Variants in PCNX1 observed in about 807,000 individuals in gnomAD.
The protein encoded by PCNX1 is pecanex 1.
Under a neutral mutation model 242.2 loss-of-function variants are expected in PCNX1, and 78 were observed. The ratio of observed to expected loss-of-function variants is 0.32; its 90% CI spans 0.27 to 0.39. The LOEUF is 0.39. PCNX1 is among the 10% of genes least tolerant of loss of function. The pLI is 1.00. For synonymous variants in PCNX1, 1,024 were observed against 1,032.9 expected, an observed-to-expected ratio of 0.99 and a Z score of 0.17; for missense variants, 2,581 against 2,856.5, an observed-to-expected ratio of 0.90 and a Z score of 2.20.
chr14:71,026,728 A>T (rs901954529), intron 14 of PCNX1, 44 bp from the exon 15 acceptor site: 14 of 855,146 alleles, frequency 1.6e-5, no homozygotes, highest in Non-Finnish European at 2.4e-5. Flanking sequence ...ACAAGAATGG[A>T]TACAGTATAA....
chr14:71,044,753 G>C (rs766936434), intron 19 of PCNX1: 4 of 181,454 alleles, frequency 2.2e-5, no homozygotes, highest in Non-Finnish European at 4.6e-5. Flanking sequence ...TCAGCCAACT[G>C]TTCCGGGTGG....
intron 12 of PCNX1, among the ~76,000 whole-genome samples, chr14:71,021,350 C>T (rs1437773422): frequency 1.3e-5 from 2 of 152,104 alleles, no homozygotes; most frequent in Non-Finnish European, 2.9e-5. Flanking sequence ...TTACTTTGGG[C>T]AGTATGGCCA....
intron 1 of PCNX1, among the ~76,000 whole-genome samples, chr14:70,923,740 A>G (rs1013659005): frequency 3.3e-5 from 5 of 152,180 alleles, no homozygotes; most frequent in African/African-American, 9.7e-5. Context: ...AATAGTGAAT[A>G]GTATTCCATT....
chr14:71,038,640 C>T (rs2141010468), intron 19 of PCNX1, among the ~76,000 whole-genome samples: 1 of 150,644 alleles, frequency 6.6e-6, no homozygotes, highest in South Asian at 2.1e-4. Context: ...TAAACTAGTT[C>T]AACCATTGTG....
chr14:71,109,981 A>C lies in PCNX1; in HGVS notation c.*46A>C. 1.3e-6 allele frequency: 2 copies of C among 1,570,418 alleles called. No individual in the cohort carries two copies. The highest frequency in any genetic ancestry group is 4.5e-5 in the East Asian group (2 of 44,676). ...CATTTCTTTTTCCCTCTCAATTCCAAGGCATTGGAAAAAGAGAGGAACAAG... is the reference window on the plus strand; with the variant it reads ...CATTTCTTTTTCCCTCTCAATTCCACGGCATTGGAAAAAGAGAGGAACAAG... On this transcript the variant is annotated 3_prime_UTR_variant, in exon 36 of 36. Transcript: ENST00000304743.
intron 2 of PCNX1, among the ~76,000 whole-genome samples, chr14:70,950,708 T>C (rs1475668047): frequency 6.6e-5 from 10 of 152,128 alleles, no homozygotes; most frequent in Non-Finnish European, 8.8e-5. Context: ...AATTATTGTT[T>C]AATATTCCCG....
rs150959774 is a variant in PCNX1 at position 70,918,139 on chromosome 14, C to G, written c.153+10136C>G. On this transcript the variant is annotated intron_variant, in intron 1 of 35. Transcript: ENST00000304743. ...GGTTTGATCTTCTATTCAGACCACT[C>G]AAACTTTCTCCATATCAGCAATGTT... Among the ~76,000 whole-genome samples, 254 of 152,308 alleles carry G rather than the reference C, an allele frequency of 1.7e-3. 10 individuals are homozygous for G. In the East Asian group the frequency reaches 0.043, roughly 26 times the overall value.
At chr14:71,032,139 T>G (rs568250933) in intron 16 of PCNX1, among the ~76,000 whole-genome samples, 5 of 152,342 alleles carry the variant, frequency 3.3e-5, no homozygotes, top group South Asian at 4.1e-4. Context: ...AGGCTTGACT[T>G]ACTTTCTCTC....
At chr14:71,109,376 G>C (rs1305256516) in intron 34 of PCNX1, 76 bp from the exon 35 acceptor site, 1 of 1,299,288 alleles carries the variant, frequency 7.7e-7, no homozygotes, top group Non-Finnish European at 1.1e-6. Context: ...TCTGTGAAAA[G>C]CATTTTGTTT....
chr14:71,015,454 T>C (rs556659411), intron 11 of PCNX1, among the ~76,000 whole-genome samples: 1 of 152,248 alleles, frequency 6.6e-6, no homozygotes, highest in East Asian at 1.9e-4. Flanking sequence ...CTATTGTAAG[T>C]TTCTTATATG....
At chr14:71,082,713 C>T (rs563918281) in intron 28 of PCNX1, among the ~76,000 whole-genome samples, 100 of 152,220 alleles carry the variant, frequency 6.6e-4, no homozygotes, top group African/African-American at 2.4e-3. Context: ...AAATATTCCT[C>T]CATCCCTTTA....
At chr14:70,946,497 C>T (rs1197000097) in intron 1 of PCNX1, among the ~76,000 whole-genome samples, 1 of 152,138 alleles carries the variant, frequency 6.6e-6, no homozygotes, top group Non-Finnish European at 1.5e-5. Flanking sequence ...GAATGTAATG[C>T]AGGCAAGCCA....
At chr14:71,028,830 A>G (rs748098309) in intron 16 of PCNX1, 39 bp downstream of exon 16, 36 of 1,186,814 alleles carry the variant, frequency 3.0e-5, no homozygotes, top group East Asian at 4.9e-5. Context: ...CTTTAAGGCT[A>G]TATTTCTATA....
chr14:71,098,935 T>C (rs557919458), intron 30 of PCNX1, among the ~76,000 whole-genome samples: 12 of 152,254 alleles, frequency 7.9e-5, no homozygotes, highest in African/African-American at 2.9e-4. Flanking sequence ...GCTGTGGGTT[T>C]GTCATAGATG....
intron 7 of PCNX1, among the ~76,000 whole-genome samples, chr14:70,991,500 A>G (rs940767143): frequency 1.3e-5 from 2 of 152,180 alleles, no homozygotes; most frequent in African/African-American, 4.8e-5. Context: ...CACTGCGCCC[A>G]GCCCCTACTA....
chr14:71,051,695 C>T (rs2061039987), intron 23 of PCNX1, among the ~76,000 whole-genome samples, 188 bp from the exon 24 acceptor site: 1 of 152,128 alleles, frequency 6.6e-6, no homozygotes, highest in Admixed American at 6.5e-5. Flanking sequence ...CCAGGTTGTA[C>T]TTTATGTATG....
At chr14:71,022,453 T>C (rs764902631) in intron 12 of PCNX1, among the ~76,000 whole-genome samples, 7 of 151,932 alleles carry the variant, frequency 4.6e-5, no homozygotes, top group African/African-American at 1.7e-4. Context: ...GTTAAAAGAG[T>C]TTAAAGATTA....
At position 70,986,373 on chromosome 14, in the gene PCNX1, C is replaced by T. The variant is rs77490163; in HGVS notation, c.2312-2194C>T. On this transcript the variant is annotated intron_variant, in intron 6 of 35. Transcript: ENST00000304743. ...CTTTCCTCTTGATGTGTTTCCAAGACTGTTAAGAAAGTAAGTGCATCATAA... is the reference window on the plus strand; with the variant it reads ...CTTTCCTCTTGATGTGTTTCCAAGATTGTTAAGAAAGTAAGTGCATCATAA... Among the ~76,000 whole-genome samples, 1,364 of 152,222 alleles carry T rather than the reference C, an allele frequency of 9.0e-3. 10 individuals are homozygous for T. The highest frequency in any genetic ancestry group is 0.012 in the Non-Finnish European group (843 of 67,990).
chr14:70,991,529 A>G (rs2059167192), intron 7 of PCNX1, among the ~76,000 whole-genome samples: 2 of 152,150 alleles, frequency 1.3e-5, no homozygotes, highest in South Asian at 4.1e-4. Context: ...TAAAGGGTTC[A>G]CATTATAGTT....
Sources: allele counts gnomAD v4.1 joint callset (sites outside exome capture counted in the v4.1 genomes callset), GRCh38; gene constraint gnomAD v4.1.1; transcripts MANE v1.5; gene names NCBI Gene and HGNC (gene_info 2026-07-23, HGNC 2026-07-21).